Variants in SYT9 observed in about 807,000 individuals in gnomAD.
SYT9 encodes synaptotagmin-9.
A neutral mutation model predicts 48.4 loss-of-function variants in SYT9; 22 were observed. The observed-to-expected ratio is 0.45, with a 90% CI of 0.32 to 0.65. The LOEUF is 0.65. Ranked by LOEUF, SYT9 falls within the 30% of genes least tolerant of loss-of-function variation. The probability of loss-of-function intolerance (pLI) is 0.03; values close to 1 mark genes in which losing one functional copy is unlikely to be tolerated. For missense variants in SYT9, 577 were observed against 622.0 expected, an observed-to-expected ratio of 0.93 and a Z score of 0.77; for synonymous variants, 265 against 245.0, an observed-to-expected ratio of 1.08 and a Z score of -0.76.
At chr11:7,433,787 G>A (rs963912173) in intron 6 of SYT9, among the ~76,000 whole-genome samples, 9 of 152,126 alleles carry the variant, frequency 5.9e-5, no homozygotes, top group Non-Finnish European at 8.8e-5. Context: ...ACCTTATCTT[G>A]GACTTTCCAG....
intron 3 of SYT9, among the ~76,000 whole-genome samples, chr11:7,386,779 C>A (rs1002625971): frequency 2.0e-4 from 31 of 152,128 alleles, no homozygotes; most frequent in Non-Finnish European, 3.8e-4. Flanking sequence ...ACCATTTGAC[C>A]CAGCAATCCC....
At chr11:7,310,191 T>C (rs4757990) in intron 2 of SYT9, among the ~76,000 whole-genome samples, 108,277 of 152,054 alleles carry the variant, frequency 0.71, 38,861 homozygotes, top group East Asian at 0.91. Flanking sequence ...TGGAGTGTAG[T>C]GGCGTGATCT....
chr11:7,348,538 A>G (rs144893037), intron 3 of SYT9, among the ~76,000 whole-genome samples: 16 of 152,214 alleles, frequency 1.1e-4, no homozygotes, highest in African/African-American at 3.9e-4. Context: ...ACAGATACTG[A>G]ACATTCTGTA....
intron 3 of SYT9, among the ~76,000 whole-genome samples, chr11:7,321,583 C>T (rs1849338401): frequency 6.6e-6 from 1 of 152,144 alleles, no homozygotes; most frequent in Admixed American, 6.5e-5. Flanking sequence ...TTGGCTTCAC[C>T]CAGGAAATAA....
At chr11:7,360,614 A>G (rs968286035) in intron 3 of SYT9, among the ~76,000 whole-genome samples, 1 of 152,214 alleles carries the variant, frequency 6.6e-6, no homozygotes, top group Non-Finnish European at 1.5e-5. Context: ...CTTTGAAGCA[A>G]TTGTGAATGG....
intron 2 of SYT9, among the ~76,000 whole-genome samples, chr11:7,304,810 A>AT (rs1172243651): frequency 5.3e-5 from 8 of 152,262 alleles, no homozygotes; most frequent in Non-Finnish European, 8.8e-5. Flanking sequence ...CATAGAGTTC[A>AT]TGCAATGTGC....
intron 3 of SYT9, among the ~76,000 whole-genome samples, chr11:7,356,108 T>C (rs1025323404): frequency 3.9e-5 from 6 of 152,220 alleles, no homozygotes; most frequent in African/African-American, 1.4e-4. Context: ...TCTAGGATGA[T>C]ACAACTGATA....
At position 7,313,754 on chromosome 11, in the gene SYT9, A is replaced by G; in HGVS notation, c.857A>G (p.Asp286Gly). 2 of 1,614,176 alleles carry G rather than the reference A, an allele frequency of 1.2e-6. No individual in the cohort carries two copies. The highest frequency in any genetic ancestry group is 1.7e-6 in the Non-Finnish European group (2 of 1,180,012). The change falls in exon 3 of 7, where the codon GAT (aspartate) becomes GGT (glycine). Residue 286 changes from aspartate to glycine, a missense_variant. Asp to Gly is a moderately conservative substitution (Grantham distance 94). Transcript: ENST00000318881. ...AGAAAGACCCTGAACCCTGTGTTTG[A>G]TGAAGTGTTTTTATTTCCGGTTCCC... Reference protein sequence around the residue: ...VHRKTLNPVFDEVFLFPVPYN... With the variant: ...VHRKTLNPVFGEVFLFPVPYN...
intron 3 of SYT9, among the ~76,000 whole-genome samples, chr11:7,342,994 T>G (rs770516626): frequency 3.7e-4 from 57 of 152,204 alleles, no homozygotes; most frequent in Admixed American, 6.5e-5. Flanking sequence ...CCTTGACCCC[T>G]TTTAGCCATG....
At chr11:7,238,793 G>A (rs1847711229) in exon 1 of SYT9, 6 of 454,358 alleles carry the variant, frequency 1.3e-5, no homozygotes, top group Admixed American at 1.2e-4. Context: ...CCTGAGCTTT[G>A]TCAACATGAT....
At chr11:7,286,112 A>T (rs1305891970) in intron 1 of SYT9, among the ~76,000 whole-genome samples, 2 of 151,754 alleles carry the variant, frequency 1.3e-5, no homozygotes, top group Non-Finnish European at 2.9e-5. Flanking sequence ...CCCAGTGGGG[A>T]CTCTGTGTGA....
intron 1 of SYT9, among the ~76,000 whole-genome samples, chr11:7,259,800 C>A (rs1848044669): frequency 1.3e-5 from 2 of 151,926 alleles, no homozygotes; most frequent in Admixed American, 6.5e-5. Flanking sequence ...AATTAGCTCA[C>A]AGAAGGAATA....
intron 1 of SYT9, among the ~76,000 whole-genome samples, chr11:7,286,021 A>C (rs1278609700): frequency 1.3e-5 from 2 of 152,158 alleles, no homozygotes; most frequent in Non-Finnish European, 2.9e-5. Flanking sequence ...TTCCAGGCAC[A>C]TGGTGCAAGC....
intron 1 of SYT9, among the ~76,000 whole-genome samples, chr11:7,257,489 C>T (rs1198300123): frequency 1.3e-5 from 2 of 151,978 alleles, no homozygotes; most frequent in African/African-American, 4.8e-5. Flanking sequence ...AATGAAGTCA[C>T]TTATTAGAAA....
intron 1 of SYT9, among the ~76,000 whole-genome samples, chr11:7,270,280 G>A (rs1262783064): frequency 6.6e-6 from 1 of 152,086 alleles, no homozygotes; most frequent in Non-Finnish European, 1.5e-5. Flanking sequence ...CTCCCCTCAA[G>A]GGCACATTTT....
At chr11:7,358,189 G>A (rs909074663) in intron 3 of SYT9, among the ~76,000 whole-genome samples, 4 of 152,126 alleles carry the variant, frequency 2.6e-5, no homozygotes, top group Admixed American at 6.5e-5. Flanking sequence ...CATAATAATG[G>A]TCTTCTTAAA....
chr11:7,452,823 C>T (rs1048140130), intron 6 of SYT9, among the ~76,000 whole-genome samples: 5 of 152,052 alleles, frequency 3.3e-5, no homozygotes, highest in Non-Finnish European at 7.4e-5. Flanking sequence ...GCTCTTGTTG[C>T]GTAGGCTGGA....
chr11:7,279,536 A>C (rs778176966), intron 1 of SYT9, among the ~76,000 whole-genome samples: 128 of 152,068 alleles, frequency 8.4e-4, no homozygotes, highest in Admixed American at 3.9e-3. Context: ...CTAATACTGC[A>C]TTTCCCCAAC....
At chr11:7,464,702 A>G (rs545883595) in intron 6 of SYT9, among the ~76,000 whole-genome samples, 2 of 152,310 alleles carry the variant, frequency 1.3e-5, no homozygotes, top group Admixed American at 1.3e-4. Context: ...GAACTCAGGA[A>G]TTGGCAAACT....
Sources: allele counts gnomAD v4.1 joint callset (sites outside exome capture counted in the v4.1 genomes callset), GRCh38; gene constraint gnomAD v4.1.1; transcripts MANE v1.5; gene names NCBI Gene and HGNC (gene_info 2026-07-23, HGNC 2026-07-21).